The following LRRC4C variants were observed in gnomAD, a reference collection of about 807,000 sequenced individuals.
The protein encoded by LRRC4C is leucine-rich repeat-containing protein 4C.
A neutral mutation model predicts 33.6 loss-of-function variants in LRRC4C; 5 were observed. The ratio of observed to expected loss-of-function variants is 0.15; its 90% CI spans 0.08 to 0.31. The LOEUF (loss-of-function observed/expected upper bound fraction) is 0.31. LRRC4C is among the 10% of genes least tolerant of loss of function. The pLI is 1.00. For synonymous variants in LRRC4C, 329 were observed against 302.0 expected (o/e 1.09, Z -0.93); for missense variants, 560 against 796.7 (o/e 0.70, Z 3.58).
chr11:41,214,243 A>T (rs1946939577), intron 1 of LRRC4C, among the ~76,000 whole-genome samples: 3 of 152,132 alleles, frequency 2.0e-5, no homozygotes, highest in Admixed American at 2.0e-4. Context: ...TGACAACAGC[A>T]GTGACCCAAG....
chr11:40,545,088 T>C (rs1466329741), intron 3 of LRRC4C, among the ~76,000 whole-genome samples: 1 of 152,042 alleles, frequency 6.6e-6, no homozygotes, highest in South Asian at 2.1e-4. Flanking sequence ...TAGCACCTTG[T>C]CTCTGAAGCC....
At position 40,463,646 on chromosome 11, in the gene LRRC4C, T is replaced by A. The variant is rs985826703; in HGVS notation, c.-269-143925A>T. 3.9e-5 allele frequency among the ~76,000 whole-genome samples: 6 copies of A among 152,114 alleles called. No individual in the cohort carries two copies. In the East Asian group the frequency reaches 1.2e-3, roughly 29 times the overall value. On this transcript the variant is annotated intron_variant, in intron 3 of 6. Transcript: ENST00000528697. ...TCAAGAATAGTCTTTCAAAATATTC[T>A]AACATATGCATTATGTAATCTTAGA...
intron 2 of LRRC4C, among the ~76,000 whole-genome samples, chr11:40,776,718 T>A (rs543205301): frequency 9.9e-5 from 15 of 152,222 alleles, no homozygotes; most frequent in African/African-American, 3.6e-4. Flanking sequence ...TTCATTGTCT[T>A]GATACCATTC....
At chr11:40,645,247 A>C (rs926925537) in intron 3 of LRRC4C, among the ~76,000 whole-genome samples, 1 of 152,216 alleles carries the variant, frequency 6.6e-6, no homozygotes, top group Non-Finnish European at 1.5e-5. Flanking sequence ...CTATGATCTC[A>C]GTGATCAGGT....
intron 3 of LRRC4C, among the ~76,000 whole-genome samples, chr11:40,514,394 T>C (rs1331068539): frequency 6.6e-6 from 1 of 152,200 alleles, no homozygotes; most frequent in Non-Finnish European, 1.5e-5. Flanking sequence ...ATTAGCTCTA[T>C]GGCCTTGAGC....
chr11:40,435,157 G>T (rs1345416472), intron 3 of LRRC4C, among the ~76,000 whole-genome samples: 4 of 152,242 alleles, frequency 2.6e-5, no homozygotes, highest in Non-Finnish European at 2.9e-5. Context: ...CATTCATCCA[G>T]GCTTTGTTTA....
chr11:40,307,842 C>T (rs1054443187), intron 4 of LRRC4C, among the ~76,000 whole-genome samples: 2 of 152,142 alleles, frequency 1.3e-5, no homozygotes, highest in African/African-American at 4.8e-5. Flanking sequence ...TTAAACTTAT[C>T]TCCAGATGCT....
chr11:40,614,642 G>A (rs1477168149), intron 3 of LRRC4C, among the ~76,000 whole-genome samples: 1 of 151,526 alleles, frequency 6.6e-6, no homozygotes, highest in East Asian at 1.9e-4. Context: ...CTTTTGACTT[G>A]CCTTCTTCAC....
chr11:40,226,601 G>A (rs1466480688), intron 5 of LRRC4C, among the ~76,000 whole-genome samples: 5 of 152,170 alleles, frequency 3.3e-5, no homozygotes, highest in Non-Finnish European at 7.3e-5. Flanking sequence ...AGATTCCGTA[G>A]ATTAAATCTA....
chr11:40,409,942 A>T (rs1309656525), intron 3 of LRRC4C, among the ~76,000 whole-genome samples: 1 of 152,134 alleles, frequency 6.6e-6, no homozygotes, highest in African/African-American at 2.4e-5. Flanking sequence ...TCAAAACATC[A>T]TTTTGTACAC....
At chr11:40,447,409 T>C (rs1429767464) in intron 3 of LRRC4C, among the ~76,000 whole-genome samples, 1 of 152,104 alleles carries the variant, frequency 6.6e-6, no homozygotes, top group Non-Finnish European at 1.5e-5. Flanking sequence ...AGGAAACATG[T>C]TTGCTCGTCT....
chr11:41,177,734 T>G (rs1211612041), intron 1 of LRRC4C, among the ~76,000 whole-genome samples: 1 of 152,188 alleles, frequency 6.6e-6, no homozygotes, highest in East Asian at 1.9e-4. Context: ...AGTAATGACT[T>G]CCATTTATAT....
At chr11:40,274,528 T>G (rs1942958979) in intron 4 of LRRC4C, among the ~76,000 whole-genome samples, 1 of 150,120 alleles carries the variant, frequency 6.7e-6, no homozygotes, top group South Asian at 2.1e-4. Context: ...TAAATACATT[T>G]GATAAGCATA....
intron 1 of LRRC4C, among the ~76,000 whole-genome samples, chr11:41,264,097 T>TA (rs1173477374): frequency 1.8e-5 from 2 of 114,008 alleles, no homozygotes; most frequent in Admixed American, 1.7e-4. Flanking sequence ...TTTTATTAAT[T>TA]TTTTTTTTTT....
intron 2 of LRRC4C, among the ~76,000 whole-genome samples, chr11:40,871,926 G>A (rs61886586): frequency 0.029 from 4,348 of 152,222 alleles, 61 homozygotes; most frequent in Middle Eastern, 0.041. Context: ...TTGAATATGT[G>A]CCTTCCATCT....
chr11:41,261,956 G>T (rs1175048062), intron 1 of LRRC4C, among the ~76,000 whole-genome samples: 6 of 151,942 alleles, frequency 3.9e-5, no homozygotes, highest in Non-Finnish European at 8.8e-5. Flanking sequence ...ACATTCTAAA[G>T]GAGAGAAAAA....
chr11:40,937,703 C>A (rs1272222051), intron 1 of LRRC4C, among the ~76,000 whole-genome samples: 1 of 151,098 alleles, frequency 6.6e-6, no homozygotes, highest in Admixed American at 6.6e-5. Flanking sequence ...AGTGAAGTGG[C>A]GTGATCATGG....
chr11:40,204,433 C>T (rs1862994990), intron 5 of LRRC4C, among the ~76,000 whole-genome samples: 1 of 152,050 alleles, frequency 6.6e-6, no homozygotes, highest in Admixed American at 6.6e-5. Flanking sequence ...AATTATAAAT[C>T]CTTTCTCTGC....
chr11:40,779,364 T>G (rs1442848640), intron 2 of LRRC4C, among the ~76,000 whole-genome samples: 1 of 152,186 alleles, frequency 6.6e-6, no homozygotes, highest in Non-Finnish European at 1.5e-5. Context: ...CTAATGCCTA[T>G]CTTGGCATGG....
Sources: allele counts gnomAD v4.1 joint callset (sites outside exome capture counted in the v4.1 genomes callset), GRCh38; gene constraint gnomAD v4.1.1; transcripts MANE v1.5; gene names NCBI Gene and HGNC (gene_info 2026-07-23, HGNC 2026-07-21).